Variants in IL1RAPL1 observed in about 807,000 individuals in gnomAD.
IL1RAPL1 encodes the protein interleukin-1 receptor accessory protein-like 1.
A neutral mutation model predicts 48.4 loss-of-function variants in IL1RAPL1; 3 were observed. The ratio of observed to expected loss-of-function variants is 0.06; its 90% confidence interval spans 0.03 to 0.16. The LOEUF is 0.16. IL1RAPL1 is among the 10% of genes least tolerant of loss of function. The probability of loss-of-function intolerance (pLI) is 1.00; values close to 1 mark genes in which losing one functional copy is unlikely to be tolerated. For synonymous variants in IL1RAPL1, 185 were observed against 187.7 expected (o/e 0.99, Z 0.12); for missense variants, 349 against 530.6 (o/e 0.66, Z 3.36).
At chrX:29,234,305 A>G (rs1931253244) in intron 2 of IL1RAPL1, among the ~76,000 whole-genome samples, 1 of 112,244 alleles carries the variant, frequency 8.9e-6, no homozygotes. Context: ...ATAACAATAA[A>G]TGTCCTCATT....
chrX:29,545,713 AATTT>A (rs770004151), intron 5 of IL1RAPL1, among the ~76,000 whole-genome samples: 4 of 111,703 alleles, frequency 3.6e-5, no homozygotes, highest in Admixed American at 9.5e-5. Context: ...TACATCCTCC[AATTT>A]ATTTATTCAT....
At chrX:29,609,154 C>T (rs1924013993) in intron 5 of IL1RAPL1, among the ~76,000 whole-genome samples, 3 of 111,470 alleles carry the variant, frequency 2.7e-5, no homozygotes, top group Admixed American at 1.9e-4. Context: ...CTATGTGTAA[C>T]CTCCCGTCAA....
chrX:29,634,664 A>G (rs1486161651), intron 5 of IL1RAPL1, among the ~76,000 whole-genome samples: 2 of 111,119 alleles, frequency 1.8e-5, no homozygotes, highest in African/African-American at 6.6e-5. Context: ...TCCAAATGAA[A>G]ATATCAAAAC....
At chrX:28,627,627 C>T (rs1253901092) in intron 1 of IL1RAPL1, among the ~76,000 whole-genome samples, 15 of 111,981 alleles carry the variant, frequency 1.3e-4, no homozygotes, top group Admixed American at 9.5e-4. Context: ...GCGACAGTCA[C>T]AGCTTTAGCA....
intron 2 of IL1RAPL1, among the ~76,000 whole-genome samples, chrX:29,026,783 T>C (rs1474195905): frequency 1.8e-5 from 2 of 111,746 alleles, no homozygotes; most frequent in Non-Finnish European, 3.8e-5. Context: ...TTATGGAAGA[T>C]ACACATAAGG....
chrX:29,731,538 C>T (rs1927919023), intron 6 of IL1RAPL1, among the ~76,000 whole-genome samples: 1 of 111,903 alleles, frequency 8.9e-6, no homozygotes, highest in Non-Finnish European at 1.9e-5. Context: ...CTCCAGGAAG[C>T]AAAAATAGTG....
At chrX:28,762,959 C>G (rs1936194598) in intron 1 of IL1RAPL1, among the ~76,000 whole-genome samples, 1 of 110,659 alleles carries the variant, frequency 9.0e-6, no homozygotes, top group South Asian at 3.8e-4. Flanking sequence ...CTTTTTATGC[C>G]AGCTTTACAT....
At position 29,648,037 on chromosome X, in the gene IL1RAPL1, G is replaced by A. The variant is rs373459117; in HGVS notation, c.704-20393G>A. Among the ~76,000 whole-genome samples the A allele has an allele frequency of 6.3e-4, 71 of 111,826 alleles. No individual in the cohort carries two copies. In the South Asian group the frequency reaches 0.015, roughly 24 times the overall value. On this transcript the variant is annotated intron_variant, in intron 5 of 10. Transcript: ENST00000378993. ...AGATAAAATAGACTTTAAGTCAAAA[G>A]CTATGAAAAGAGACAAAGTCATTAT...
intron 2 of IL1RAPL1, among the ~76,000 whole-genome samples, chrX:29,206,295 A>G (rs1930664264): frequency 1.8e-5 from 2 of 111,657 alleles, no homozygotes; most frequent in Admixed American, 1.9e-4. Context: ...AAATAATTTT[A>G]TCAGTTAAAT....
intron 5 of IL1RAPL1, among the ~76,000 whole-genome samples, chrX:29,410,958 G>C (rs541789869): frequency 2.7e-5 from 3 of 111,228 alleles, no homozygotes; most frequent in South Asian, 3.8e-4. Context: ...AGTCCTTTTG[G>C]TTGGTAGACT....
At chrX:28,704,201 A>G (rs1165317664) in intron 1 of IL1RAPL1, among the ~76,000 whole-genome samples, 1 of 111,513 alleles carries the variant, frequency 9.0e-6, no homozygotes, top group Non-Finnish European at 1.9e-5. Context: ...CTATTAAACT[A>G]TGGCAACTAA....
Position 29,366,987 on chromosome X carries a change from AATTT to A in IL1RAPL1, c.363-29267_363-29264del, listed in dbSNP as rs754740865. Among the ~76,000 whole-genome samples, 9 of 111,637 alleles carry A rather than the reference AATTT, an allele frequency of 8.1e-5. No individual in the cohort carries two copies. The South Asian group carries it at 3.0e-3, about 37-fold the overall frequency. On this transcript the variant is annotated intron_variant, in intron 3 of 10. Transcript: ENST00000378993. ...TTTAAAGCATATATGCACATATATG[AATTT>A]ATTCAAGTTTTTTTTAGGGGGAAAA...
chrX:28,731,342 A>G (rs1337617181), intron 1 of IL1RAPL1, among the ~76,000 whole-genome samples: 2 of 111,833 alleles, frequency 1.8e-5, no homozygotes, highest in African/African-American at 6.5e-5. Flanking sequence ...CTTGTATTAA[A>G]AAGACAATGA....
intron 2 of IL1RAPL1, among the ~76,000 whole-genome samples, chrX:29,069,474 A>G (rs775268935): frequency 9.0e-6 from 1 of 110,989 alleles, no homozygotes; most frequent in South Asian, 3.8e-4. Context: ...TTGGTAGTTG[A>G]GATTTATATG....
chrX:29,240,172 TA>T (rs1167710929), intron 2 of IL1RAPL1, among the ~76,000 whole-genome samples: 1 of 90,870 alleles, frequency 1.1e-5, no homozygotes, highest in Admixed American at 1.3e-4. Context: ...TACCACATAG[TA>T]GTATATAGGT....
rs767578324 is a variant in IL1RAPL1 at position 29,283,192 on chromosome X, A to G, written c.337A>G (p.Ser113Gly). ...GTTCCGGCCAACATTGCTACAGGAC[A>G]GTGGTCTCTACGCCTGTGTCATCAG... is the stretch of plus-strand genomic sequence containing the variant. ...IWFRPTLLQD[S>G]GLYACVIRNS... Residue 113 changes from serine (S) to glycine (G), a missense_variant, in exon 3 of 11, where the codon AGT (serine) becomes GGT (glycine). Around this residue, in one of 3 missense-constraint regions of IL1RAPL1, gnomAD observed 238 missense variants for 337.8 expected, o/e 0.70. Coordinates refer to ENST00000378993, the MANE Select transcript of IL1RAPL1 (RefSeq NM_014271.4). 2.5e-6 allele frequency: 3 copies of G among 1,211,619 alleles called. No individual in the cohort carries two copies.
intron 1 of IL1RAPL1, among the ~76,000 whole-genome samples, chrX:28,659,810 T>TA (rs767885323): frequency 0.011 from 1,056 of 99,198 alleles, 13 homozygotes; most frequent in African/African-American, 0.032. Flanking sequence ...GGTTTCTTGG[T>TA]AAAAAAAAAA....
At chrX:28,838,097 C>T (rs934941861) in intron 2 of IL1RAPL1, among the ~76,000 whole-genome samples, 11 of 109,498 alleles carry the variant, frequency 1.0e-4, no homozygotes, top group Non-Finnish European at 1.7e-4. Flanking sequence ...CTAGGAAGAA[C>T]GTTAGTTGCT....
At chrX:28,958,549 G>A (rs1229524821) in intron 2 of IL1RAPL1, among the ~76,000 whole-genome samples, 1 of 111,873 alleles carries the variant, frequency 8.9e-6, no homozygotes, top group Non-Finnish European at 1.9e-5. Flanking sequence ...TTAAGAAGAG[G>A]AAGTGATAAG....
Sources: allele counts gnomAD v4.1 joint callset (sites outside exome capture counted in the v4.1 genomes callset), GRCh38; gene constraint gnomAD v4.1.1; regional missense constraint gnomAD v4.1.1; transcripts MANE v1.5; gene names NCBI Gene and HGNC (gene_info 2026-07-23, HGNC 2026-07-21).